Variants in JAK2 observed in about 807,000 individuals in gnomAD.
JAK2 encodes the protein Janus kinase 2.
A neutral mutation model predicts 139.3 loss-of-function variants in JAK2; 86 were observed. The ratio of observed to expected loss-of-function variants is 0.62; its 90% CI spans 0.52 to 0.74. The LOEUF (loss-of-function observed/expected upper bound fraction) is 0.74. Ranked by LOEUF, JAK2 falls within the 30% of genes least tolerant of loss-of-function variation. The pLI is 0.00. For synonymous variants in JAK2, 490 were observed against 437.7 expected (o/e 1.12, Z -1.49); for missense variants, 1,421 against 1,360.3 (o/e 1.04, Z -0.70).
At chr9:5,068,480 A>C (rs1228921828) in intron 10 of JAK2, among the ~76,000 whole-genome samples, 1 of 152,254 alleles carries the variant, frequency 6.6e-6, no homozygotes, top group Non-Finnish European at 1.5e-5. Context: ...AAACAGTGGT[A>C]CTTGAACTGA....
chr9:5,111,554 A>C, intron 22 of JAK2: 1 of 364,430 alleles, frequency 2.7e-6, no homozygotes, highest in South Asian at 2.1e-5. Context: ...CCCCTTCTAC[A>C]TGGCAGATGG....
intron 8 of JAK2, among the ~76,000 whole-genome samples, chr9:5,060,078 T>C (rs1818048964): frequency 6.6e-6 from 1 of 152,278 alleles, no homozygotes; most frequent in African/African-American, 2.4e-5. Flanking sequence ...ATAAAAGTTA[T>C]GTTTACACTA....
intron 10 of JAK2, among the ~76,000 whole-genome samples, chr9:5,068,646 T>C (rs1327862339): frequency 6.6e-6 from 1 of 152,224 alleles, no homozygotes; most frequent in African/African-American, 2.4e-5. Context: ...AGGTTGTATG[T>C]TGGCAGTGGC....
chr9:5,118,634 TG>T (rs1823383733), intron 22 of JAK2, among the ~76,000 whole-genome samples: 1 of 152,250 alleles, frequency 6.6e-6, no homozygotes, highest in South Asian at 2.1e-4. Flanking sequence ...GCATAAATTC[TG>T]TGTTCATTTT....
intron 22 of JAK2, chr9:5,111,238 C>T (rs1822490266): frequency 1.8e-6 from 1 of 558,716 alleles, no homozygotes; most frequent in Non-Finnish European, 3.4e-6. Context: ...GCCTATTCCT[C>T]CTTTGGTAGA....
At chr9:5,030,083 A>G (rs1301870455) in intron 4 of JAK2, among the ~76,000 whole-genome samples, 177 bp downstream of exon 4, 3 of 152,192 alleles carry the variant, frequency 2.0e-5, no homozygotes, top group South Asian at 2.1e-4. Context: ...CTGTTTATAC[A>G]TGTTGTGTAA....
chr9:5,003,876 C>A, intron 2 of JAK2, among the ~76,000 whole-genome samples: 1 of 151,690 alleles, frequency 6.6e-6, no homozygotes, highest in Non-Finnish European at 1.5e-5. Context: ...GCTTTTATTC[C>A]TAGTTTGAGA....
chr9:5,045,669 T>C (rs1419306030), intron 5 of JAK2, among the ~76,000 whole-genome samples: 1 of 152,166 alleles, frequency 6.6e-6, no homozygotes, highest in Non-Finnish European at 1.5e-5. Flanking sequence ...TTATATAGCA[T>C]TTGTCCTTTT....
intron 22 of JAK2, chr9:5,110,218 T>C (rs766097030): frequency 2.0e-5 from 3 of 152,206 alleles, no homozygotes; most frequent in Non-Finnish European, 4.4e-5. Context: ...TCCAGCACTA[T>C]AGTTGTAGCA....
At chr9:5,004,108 T>C (rs544512862) in intron 2 of JAK2, among the ~76,000 whole-genome samples, 1 of 152,302 alleles carries the variant, frequency 6.6e-6, no homozygotes, top group East Asian at 1.9e-4. Context: ...AATTAACATA[T>C]GTATCACCTC....
At chr9:5,068,843 A>G (rs1818747539) in intron 10 of JAK2, among the ~76,000 whole-genome samples, 179 bp from the exon 11 acceptor site, 1 of 152,210 alleles carries the variant, frequency 6.6e-6, no homozygotes, top group African/African-American at 2.4e-5. Context: ...GTAGGCTGAG[A>G]AATTGTAAAT....
intron 2 of JAK2, among the ~76,000 whole-genome samples, chr9:5,001,981 A>G (rs1587809784): frequency 6.6e-6 from 1 of 152,080 alleles, no homozygotes; most frequent in South Asian, 2.1e-4. Context: ...CTATCTTTTT[A>G]TATCCACTTA....
At chr9:5,012,740 G>T (rs894713458) in intron 2 of JAK2, among the ~76,000 whole-genome samples, 1 of 152,176 alleles carries the variant, frequency 6.6e-6, no homozygotes, top group Non-Finnish European at 1.5e-5. Flanking sequence ...GAATTATAAG[G>T]TATTGAAGCC....
intron 24 of JAK2, 45 bp downstream of exon 24, chr9:5,126,491 A>G: frequency 7.5e-7 from 1 of 1,327,970 alleles, no homozygotes; most frequent in Non-Finnish European, 1.1e-6. Flanking sequence ...ATTTTCTTTT[A>G]CTTTTTACTC....
At chr9:4,995,422 C>A (rs140620369) in intron 2 of JAK2, among the ~76,000 whole-genome samples, 1 of 152,184 alleles carries the variant, frequency 6.6e-6, no homozygotes, top group East Asian at 1.9e-4. Flanking sequence ...CTTGTTCCAT[C>A]TGGAATTTAT....
At chr9:5,053,318 G>A (rs953467518) in intron 6 of JAK2, among the ~76,000 whole-genome samples, 2 of 151,600 alleles carry the variant, frequency 1.3e-5, no homozygotes, top group African/African-American at 4.8e-5. Context: ...TTTTTAATTG[G>A]GTTATTTGTC....
chr9:5,096,492 C>G (rs1820999244), intron 22 of JAK2, among the ~76,000 whole-genome samples: 1 of 152,158 alleles, frequency 6.6e-6, no homozygotes, highest in South Asian at 2.1e-4. Context: ...ACTTCTCCCT[C>G]CATGTGGGGG....
At chr9:4,986,224 G>A (rs1819941701) in intron 2 of JAK2, among the ~76,000 whole-genome samples, 1 of 152,178 alleles carries the variant, frequency 6.6e-6, no homozygotes, top group African/African-American at 2.4e-5. Flanking sequence ...GATCCTTTAA[G>A]AAACATTTTT....
intron 2 of JAK2, among the ~76,000 whole-genome samples, chr9:4,993,072 C>T (rs1266752330): frequency 6.6e-6 from 1 of 152,178 alleles, no homozygotes; most frequent in East Asian, 1.9e-4. Flanking sequence ...TATATAGCAA[C>T]TGTCCCTTTC....
Sources: allele counts gnomAD v4.1 joint callset (sites outside exome capture counted in the v4.1 genomes callset), GRCh38; gene constraint gnomAD v4.1.1; transcripts MANE v1.5; gene names NCBI Gene and HGNC (gene_info 2026-07-23, HGNC 2026-07-21).